SGPL1: variants seen among roughly 807,000 people sequenced by gnomAD.
SGPL1 encodes the protein sphingosine-1-phosphate lyase 1.
A neutral mutation model predicts 68.9 loss-of-function variants in SGPL1; 37 were observed. The ratio of observed to expected loss-of-function variants is 0.54; its 90% confidence interval spans 0.41 to 0.71. The LOEUF is 0.71. Ranked by LOEUF, SGPL1 falls within the 30% of genes least tolerant of loss-of-function variation. SGPL1 has a pLI of 0.00. For synonymous variants in SGPL1, 236 were observed against 248.5 expected, an observed-to-expected ratio of 0.95 and a Z score of 0.47; for missense variants, 551 against 704.6, an observed-to-expected ratio of 0.78 and a Z score of 2.47.
chr10:70,871,733 A>C, intron 10 of SGPL1, 104 bp from the exon 11 acceptor site: 1 of 1,085,694 alleles, frequency 9.2e-7, no homozygotes, highest in Non-Finnish European at 1.3e-6. Flanking sequence ...GGCATAATAC[A>C]AAATAGCCTT....
intron 5 of SGPL1, among the ~76,000 whole-genome samples, chr10:70,855,388 A>T (rs1845948209): frequency 6.6e-6 from 1 of 152,226 alleles, no homozygotes; most frequent in African/African-American, 2.4e-5. Context: ...CACATATGGG[A>T]TGGATAAATA....
At chr10:70,816,756 G>A in intron 1 of SGPL1, 55 bp from the exon 2 acceptor site, 2 of 1,235,438 alleles carry the variant, frequency 1.6e-6, no homozygotes, top group South Asian at 1.2e-5. Flanking sequence ...ATCTAGGCGG[G>A]CTGGCGAGAC....
intron 2 of SGPL1, chr10:70,820,332 G>C (rs1845316829): frequency 6.6e-6 from 1 of 152,132 alleles, no homozygotes; most frequent in African/African-American, 2.4e-5. Flanking sequence ...CATTGTGACT[G>C]ATGGGAGAGG....
chr10:70,864,593 C>T (rs1846145030), intron 7 of SGPL1, among the ~76,000 whole-genome samples: 1 of 152,064 alleles, frequency 6.6e-6, no homozygotes, highest in Non-Finnish European at 1.5e-5. Context: ...AATTCATGTT[C>T]TTATGATATT....
Position 70,873,479 on chromosome 10 carries a change from G to A in SGPL1, c.1188G>A (p.Arg396=), listed in dbSNP as rs1225419149. 3 of 1,614,268 alleles carry A rather than the reference G, an allele frequency of 1.9e-6. No individual in the cohort carries two copies. The highest frequency in any genetic ancestry group is 1.7e-6 in the Non-Finnish European group (2 of 1,180,042). Residue 396 remains arginine, a synonymous_variant, in exon 12 of 15, where the codon CGG becomes CGA. Transcript: ENST00000373202. ...CTTCCCCAACCATCGCAGGCTCACG[G>A]CCTGGTGGCATTAGCGCAGCCTGTT... The part of the protein sequence containing the change: ...IYASPTIAGS[R]PGGISAACWA...
Position 70,821,810 on chromosome 10 carries a change from C to T in SGPL1, c.27+4930C>T, listed in dbSNP as rs572011706. On this transcript the variant is annotated intron_variant, in intron 2 of 14. Coordinates refer to ENST00000373202, the MANE Select transcript of SGPL1 (RefSeq NM_003901.4). ...GAGTGATTCCCTTCTTGGAGGTTAA[C>T]GTGTCTGTTATTGTCTCACTTGGGG... Among the ~76,000 whole-genome samples the T allele has an allele frequency of 5.2e-4, 79 of 152,184 alleles. No individual in the cohort carries two copies. In the Middle Eastern group the frequency reaches 0.01, roughly 20 times the overall value.
chr10:70,846,982 A>G (rs961629750), intron 3 of SGPL1, among the ~76,000 whole-genome samples: 1 of 152,258 alleles, frequency 6.6e-6, no homozygotes. Flanking sequence ...AGACACAGCC[A>G]TCTTAGGTTC....
At chr10:70,862,498 A>G (rs1436099944) in intron 7 of SGPL1, among the ~76,000 whole-genome samples, 2 of 152,134 alleles carry the variant, frequency 1.3e-5, no homozygotes, top group Admixed American at 6.5e-5. Context: ...CAGTGGCAAC[A>G]CGCTCGGGTC....
At chr10:70,821,542 G>A (rs1177308299) in intron 2 of SGPL1, among the ~76,000 whole-genome samples, 1 of 152,144 alleles carries the variant, frequency 6.6e-6, no homozygotes, top group African/African-American at 2.4e-5. Flanking sequence ...GGGCAATTTT[G>A]CCCTCTGGGT....
intron 11 of SGPL1, among the ~76,000 whole-genome samples, chr10:70,873,089 A>G (rs1320392960): frequency 6.6e-6 from 1 of 152,188 alleles, no homozygotes; most frequent in Non-Finnish European, 1.5e-5. Context: ...ATGCTGGGCA[A>G]GAGAGGGAGT....
At chr10:70,856,271 C>T (rs1845962077) in intron 5 of SGPL1, among the ~76,000 whole-genome samples, 1 of 152,230 alleles carries the variant, frequency 6.6e-6, no homozygotes, top group Non-Finnish European at 1.5e-5. Context: ...GCTAGGATTA[C>T]AGGTGTGAGC....
At chr10:70,876,334 A>G (rs1846384298) in intron 13 of SGPL1, among the ~76,000 whole-genome samples, 1 of 152,186 alleles carries the variant, frequency 6.6e-6, no homozygotes, top group African/African-American at 2.4e-5. Context: ...GTTCTCAGTC[A>G]TGCCGAGAAG....
Position 70,877,278 on chromosome 10 carries a change from C to T in SGPL1, c.1650C>T (p.Tyr550=), listed in dbSNP as rs370513165. The change falls in exon 15 of 15, where the codon TAC becomes TAT. Residue 550 remains tyrosine, a synonymous_variant. Transcript: ENST00000373202. The part of the protein sequence containing the change: ...ELSSVFLDSL[Y]STDTVTQGSQ... ...CCTCAGTCTTCTTGGACAGCTTGTA[C>T]AGCACCGACACTGTCACCCAGGGCA... 6.2e-7 allele frequency: 1 copy of T among 1,614,170 alleles called. No individual in the cohort carries two copies. The highest frequency in any genetic ancestry group is 8.5e-7 in the Non-Finnish European group (1 of 1,179,980).
chr10:70,856,823 G>A (rs1845972280), intron 5 of SGPL1, among the ~76,000 whole-genome samples: 1 of 152,156 alleles, frequency 6.6e-6, no homozygotes, highest in Non-Finnish European at 1.5e-5. Flanking sequence ...CTGCATTGTA[G>A]CACAAGGACC....
chr10:70,844,632 C>T lies in SGPL1; in HGVS notation c.187C>T (p.Pro63Ser), dbSNP rs1227303877. ...CTGGGGATATGAGTTTGTCTTCCAG[C>T]CAGAGAGTAAGTATGCTGTCTCCTC... ...IVWGYEFVFQ[P>S]ESLWSRFKKK... is the part of the protein sequence containing the mutation. The change falls in exon 3 of 15, where the codon CCA becomes TCA. Residue 63 changes from proline to serine, a missense_variant. Transcript: ENST00000373202. The T allele has an allele frequency of 6.2e-7, 1 of 1,613,712 alleles. No homozygotes were observed. Among genetic ancestry groups the T allele is most frequent in the Admixed American group, 1.7e-5 (1 of 60,010 alleles).
chr10:70,869,238 A>G (rs1399618154), intron 8 of SGPL1: 1 of 152,274 alleles, frequency 6.6e-6, no homozygotes, highest in Non-Finnish European at 1.5e-5. Context: ...CCGTGACCTC[A>G]TTTTCTCTTT....
At chr10:70,875,634 T>G in intron 13 of SGPL1, 86 bp downstream of exon 13, 1 of 1,076,490 alleles carries the variant, frequency 9.3e-7, no homozygotes, top group Non-Finnish European at 1.4e-6. Flanking sequence ...GTATAGAGTT[T>G]GACTGCTAGA....
chr10:70,868,539 G>A, intron 8 of SGPL1, 106 bp downstream of exon 8: 1 of 868,006 alleles, frequency 1.2e-6, no homozygotes, highest in South Asian at 1.4e-5. Flanking sequence ...CTCTTCCTCT[G>A]GTAATTCTGG....
At chr10:70,876,449 G>C in intron 13 of SGPL1, 92 bp from the exon 14 acceptor site, 1 of 1,195,980 alleles carries the variant, frequency 8.4e-7, no homozygotes, top group Non-Finnish European at 1.2e-6. Flanking sequence ...TTGTGAAAGG[G>C]CAACCAGGAA....
Sources: allele counts gnomAD v4.1 joint callset (sites outside exome capture counted in the v4.1 genomes callset), GRCh38; gene constraint gnomAD v4.1.1; transcripts MANE v1.5; gene names NCBI Gene and HGNC (gene_info 2026-07-23, HGNC 2026-07-21).